Variants in GSAP observed in about 807,000 individuals in gnomAD.
GSAP encodes the protein gamma-secretase activating protein.
GSAP carries 118 observed loss-of-function variants against 131.7 expected under a neutral mutation model. The ratio of observed to expected loss-of-function variants is 0.90; its 90% confidence interval spans 0.77 to 1.04. The LOEUF (loss-of-function observed/expected upper bound fraction) is 1.04. GSAP is among the 50% of genes least tolerant of loss of function. GSAP has a pLI of 0.00. For missense variants in GSAP, 1,019 were observed against 1,013.2 expected, an observed-to-expected ratio of 1.01 and a Z score of -0.08; for synonymous variants, 381 against 363.4, an observed-to-expected ratio of 1.05 and a Z score of -0.55.
At chr7:77,354,124 C>T (rs570487466) in intron 16 of GSAP, among the ~76,000 whole-genome samples, 26 of 152,274 alleles carry the variant, frequency 1.7e-4, no homozygotes, top group Middle Eastern at 3.4e-3. Flanking sequence ...ACCATCAACT[C>T]GCTCATCTCC....
At chr7:77,340,132 T>C (rs1276355932) in intron 19 of GSAP, among the ~76,000 whole-genome samples, 1 of 152,196 alleles carries the variant, frequency 6.6e-6, no homozygotes, top group Non-Finnish European at 1.5e-5. Flanking sequence ...AAATTCTTTC[T>C]CCTGGCTCAG....
Position 77,381,372 on chromosome 7 carries a change from A to G in GSAP, c.527-18T>C, listed in dbSNP as rs1797780430. The stretch of plus-strand genomic sequence containing the variant: ...TTCAATATCTTTAAAAGAAAAACAA[A>G]GAAAGATAATTTAACCTTAAGGAAA... On this transcript the variant is annotated intron_variant, in intron 7 of 30. Coordinates refer to ENST00000257626, the MANE Select transcript of GSAP (RefSeq NM_017439.4). 2.2e-6 allele frequency: 3 copies of G among 1,381,528 alleles called. No individual in the cohort carries two copies. The highest frequency in any genetic ancestry group is 3.0e-6 in the Non-Finnish European group (3 of 991,852). 85.6% of individuals were successfully genotyped at this position (1,381,528 alleles called of 1,614,324 possible).
intron 3 of GSAP, among the ~76,000 whole-genome samples, chr7:77,398,771 C>CAA (rs58613193): frequency 2.0e-5 from 3 of 150,186 alleles, no homozygotes; most frequent in East Asian, 3.9e-4. Flanking sequence ...CTGTCTCAAA[C>CAA]AAAAAAAAAG....
chr7:77,367,463 T>C (rs540973743), intron 12 of GSAP, among the ~76,000 whole-genome samples: 3 of 152,220 alleles, frequency 2.0e-5, no homozygotes, highest in Non-Finnish European at 4.4e-5. Context: ...TTGAGATAAA[T>C]GTGGTTTTTG....
intron 17 of GSAP, among the ~76,000 whole-genome samples, chr7:77,353,231 A>G (rs142274497): frequency 1.3e-5 from 2 of 152,276 alleles, no homozygotes; most frequent in East Asian, 1.9e-4. Flanking sequence ...ACTTAGTACC[A>G]TATCTACCCA....
chr7:77,311,725 T>TA (rs1794381329), intron 30 of GSAP, 116 bp downstream of exon 30: 1 of 632,056 alleles, frequency 1.6e-6, no homozygotes, highest in Admixed American at 2.7e-5. Flanking sequence ...CCAATTGCTA[T>TA]AAGGGTCTAC....
chr7:77,338,975 A>C (rs1790473696), intron 19 of GSAP, among the ~76,000 whole-genome samples: 1 of 152,116 alleles, frequency 6.6e-6, no homozygotes, highest in African/African-American at 2.4e-5. Context: ...TTATCTACTA[A>C]GGAGAAAAGA....
intron 23 of GSAP, among the ~76,000 whole-genome samples, chr7:77,324,116 C>CT (rs1225787396): frequency 6.6e-6 from 1 of 152,144 alleles, no homozygotes; most frequent in Non-Finnish European, 1.5e-5. Context: ...ACAGGAACAA[C>CT]TCTATATATA....
chr7:77,370,864 T>C (rs1382700717), intron 12 of GSAP, among the ~76,000 whole-genome samples: 1 of 152,198 alleles, frequency 6.6e-6, no homozygotes, highest in African/African-American at 2.4e-5. Context: ...AATTCAGTCA[T>C]TTCTTTGTGA....
chr7:77,352,485 C>T (rs1482694209), intron 18 of GSAP, among the ~76,000 whole-genome samples: 3 of 152,084 alleles, frequency 2.0e-5, no homozygotes, highest in Non-Finnish European at 2.9e-5. Flanking sequence ...GGTGAATGTG[C>T]CTAAGATTGC....
chr7:77,374,269 GA>G (rs1796530987), intron 11 of GSAP, 114 bp from the exon 12 acceptor site: 1 of 571,148 alleles, frequency 1.8e-6, no homozygotes, highest in Non-Finnish European at 3.1e-6. Context: ...ACATTCCTGA[GA>G]AATTTAAGTA....
chr7:77,310,770 A>ATGAC lies in GSAP; in HGVS notation c.*584_*587dup, dbSNP rs1194119849. The ATGAC allele has an allele frequency of 1.3e-5, 2 of 152,232 alleles. No individual in the cohort carries two copies. The highest frequency in any genetic ancestry group is 4.8e-5 in the African/African-American group (2 of 41,452). 9.4% of individuals were successfully genotyped at this position (152,232 alleles called of 1,614,324 possible). A position where few individuals can be genotyped will look rare whatever the true frequency, so the allele number is the denominator to read the frequency against. On this transcript the variant is annotated 3_prime_UTR_variant, in exon 31 of 31. Coordinates refer to ENST00000257626, the MANE Select transcript of GSAP (RefSeq NM_017439.4). Reference sequence around the variant, plus strand: ...CAAAACTATGTTTTCAGGTTTTTTAATGACTGACAAAATATTCCTAAATCA... The same window carrying ATGAC: ...CAAAACTATGTTTTCAGGTTTTTTAATGACTGACTGACAAAATATTCCTAAATCA...
intron 19 of GSAP, among the ~76,000 whole-genome samples, chr7:77,331,231 G>A (rs980496246): frequency 6.6e-6 from 1 of 152,218 alleles, no homozygotes; most frequent in Non-Finnish European, 1.5e-5. Context: ...AACCCAGGAA[G>A]TGGAGCTAGC....
chr7:77,373,263 G>A (rs749180862), intron 12 of GSAP, among the ~76,000 whole-genome samples: 9 of 152,054 alleles, frequency 5.9e-5, no homozygotes, highest in Admixed American at 1.3e-4. Flanking sequence ...TAACCTTTAC[G>A]CTAATAAAGA....
At chr7:77,376,191 A>G (rs547999890) in intron 10 of GSAP, among the ~76,000 whole-genome samples, 1 of 152,334 alleles carries the variant, frequency 6.6e-6, no homozygotes, top group African/African-American at 2.4e-5. Context: ...AGGTTGGTGC[A>G]AAAGTAACTG....
intron 5 of GSAP, among the ~76,000 whole-genome samples, chr7:77,394,285 C>G (rs973631865): frequency 7.9e-5 from 12 of 152,170 alleles, no homozygotes; most frequent in Non-Finnish European, 1.6e-4. Flanking sequence ...TACCACTCTG[C>G]CCCTTGTTCA....
chr7:77,355,766 T>A, intron 14 of GSAP, 119 bp from the exon 15 acceptor site: 2 of 579,648 alleles, frequency 3.5e-6, no homozygotes. Flanking sequence ...ACCAATGTAA[T>A]AAGCTATCTA....
At chr7:77,339,206 T>G (rs1790512269) in intron 19 of GSAP, among the ~76,000 whole-genome samples, 1 of 152,038 alleles carries the variant, frequency 6.6e-6, no homozygotes, top group Non-Finnish European at 1.5e-5. Flanking sequence ...TATAATTAAG[T>G]TGGGACTTGG....
At chr7:77,370,787 C>T (rs1234476496) in intron 12 of GSAP, among the ~76,000 whole-genome samples, 1 of 152,108 alleles carries the variant, frequency 6.6e-6, no homozygotes, top group Non-Finnish European at 1.5e-5. Context: ...ACCTCAATTC[C>T]ACAACACAAA....
Sources: gnomAD v4.1 joint callset for allele counts (sites outside exome capture counted in the v4.1 genomes callset) on GRCh38, gnomAD v4.1.1 for gene constraint, MANE v1.5 for transcripts, NCBI Gene and HGNC (gene_info 2026-07-23, HGNC 2026-07-21) for gene names.